Variants in KATNAL2 observed in about 807,000 individuals in gnomAD.
KATNAL2 encodes katanin p60 ATPase-containing subunit A-like 2.
KATNAL2 carries 52 observed loss-of-function variants against 76.3 expected under a neutral mutation model. The ratio of observed to expected loss-of-function variants is 0.68; its 90% CI spans 0.55 to 0.86. KATNAL2 has a LOEUF of 0.86. Among genes scored for constraint, KATNAL2 ranks in the 40% least tolerant of loss-of-function variants. The pLI is 0.00. For synonymous variants in KATNAL2, 243 were observed against 244.2 expected (o/e 1.00, Z 0.05); for missense variants, 660 against 668.9 (o/e 0.99, Z 0.15).
Position 46,946,834 on chromosome 18 carries a change from T to C in KATNAL2, c.-19-20T>C, listed in dbSNP as rs770814484. 2.0e-6 allele frequency: 3 copies of C among 1,531,484 alleles called. No homozygotes were observed. The highest frequency in any genetic ancestry group is 2.6e-6 in the Non-Finnish European group (3 of 1,143,428). 94.9% of individuals were successfully genotyped at this position (1,531,484 alleles called of 1,614,324 possible). On this transcript the variant is annotated intron_variant, in intron 2 of 17. Coordinates refer to ENST00000683218, the MANE Select transcript of KATNAL2 (RefSeq NM_001387690.1). ...TCGACCGGTCAGCCCAGTAACTGAC[T>C]ACTTTTCTCCCTTCTCTAGGGTCCT...
intron 15 of KATNAL2, among the ~76,000 whole-genome samples, chr18:47,077,839 T>C (rs1240198482): frequency 6.6e-6 from 1 of 152,214 alleles, no homozygotes; most frequent in Admixed American, 6.5e-5. Context: ...AATTAAACTT[T>C]TTTAAGTTAG....
intron 3 of KATNAL2, among the ~76,000 whole-genome samples, chr18:46,950,828 G>A (rs1398870947): frequency 6.6e-6 from 1 of 152,028 alleles, no homozygotes; most frequent in Non-Finnish European, 1.5e-5. Context: ...GGGGCTACAG[G>A]CGCCCACCAC....
At chr18:47,041,352 C>G (rs902238463) in intron 3 of KATNAL2, among the ~76,000 whole-genome samples, 11 of 152,148 alleles carry the variant, frequency 7.2e-5, no homozygotes, top group African/African-American at 2.7e-4. Context: ...TGTACTCTAC[C>G]TATTCATCCC....
intron 4 of KATNAL2, among the ~76,000 whole-genome samples, chr18:47,049,268 C>G (rs934715411): frequency 2.6e-5 from 4 of 152,158 alleles, no homozygotes; most frequent in Admixed American, 2.6e-4. Flanking sequence ...GCCATTATTA[C>G]GAGGATTAAA....
intron 16 of KATNAL2, 39 bp from the exon 17 acceptor site, chr18:47,100,215 C>T: frequency 3.4e-6 from 5 of 1,453,742 alleles, no homozygotes; most frequent in Non-Finnish European, 3.9e-6. Context: ...CAGGAGCATT[C>T]TGCCCACTGA....
intron 13 of KATNAL2, among the ~76,000 whole-genome samples, chr18:47,072,015 G>T (rs2062027361): frequency 8.2e-6 from 1 of 122,302 alleles, no homozygotes; most frequent in East Asian, 2.5e-4. Flanking sequence ...CTGTCACCCA[G>T]GCTGGAGTGC....
chr18:47,033,574 G>C, intron 3 of KATNAL2: 1 of 1,614,100 alleles, frequency 6.2e-7, no homozygotes, highest in South Asian at 1.1e-5. Context: ...CAGCTGATCG[G>C]GCCTCCACCC....
intron 4 of KATNAL2, among the ~76,000 whole-genome samples, chr18:47,051,675 G>C (rs1443077147): frequency 2.0e-5 from 3 of 152,202 alleles, no homozygotes; most frequent in Non-Finnish European, 4.4e-5. Flanking sequence ...TGATTGGCTA[G>C]AGTCAACTGA....
chr18:47,032,882 G>A (rs1026818540), intron 3 of KATNAL2: 10 of 1,573,268 alleles, frequency 6.4e-6, no homozygotes, highest in Non-Finnish European at 8.6e-6. Context: ...AGAATTCAAA[G>A]GCTCAACTTT....
intron 15 of KATNAL2, among the ~76,000 whole-genome samples, chr18:47,094,667 C>T (rs1234002062): frequency 6.6e-6 from 1 of 152,186 alleles, no homozygotes. Flanking sequence ...ATATCAATGT[C>T]CTTAGGGTCT....
chr18:47,035,644 C>A, intron 3 of KATNAL2: 1 of 420,564 alleles, frequency 2.4e-6, no homozygotes, highest in Non-Finnish European at 4.5e-6. Flanking sequence ...GCCCCGCCCC[C>A]ATACGTACTC....
At chr18:46,940,356 C>T (rs1216475456) in intron 1 of KATNAL2, among the ~76,000 whole-genome samples, 2 of 152,196 alleles carry the variant, frequency 1.3e-5, no homozygotes, top group African/African-American at 2.4e-5. Context: ...CCAATAAAAG[C>T]TCTTTAGTCT....
chr18:47,047,605 G>A (rs1246947461), intron 4 of KATNAL2, among the ~76,000 whole-genome samples: 1 of 152,088 alleles, frequency 6.6e-6, no homozygotes, highest in Non-Finnish European at 1.5e-5. Flanking sequence ...TGATATAAGA[G>A]TAAGAGAGCT....
chr18:47,069,261 A>G lies in KATNAL2; in HGVS notation c.867A>G (p.Gly289=). The G allele has an allele frequency of 6.2e-7, 1 of 1,611,430 alleles. No homozygotes were observed. Among genetic ancestry groups the G allele is most frequent in the Non-Finnish European group, 8.5e-7 (1 of 1,178,816 alleles). Residue 289 remains glycine (G), a synonymous_variant, in exon 12 of 18, where the codon GGA becomes GGG. Coordinates refer to ENST00000683218, the MANE Select transcript of KATNAL2 (RefSeq NM_001387690.1). ...LFTGILSPWK[G]LLLYGPPGTG... ...CAGGAATTCTTTCTCCCTGGAAAGG[A>G]CTACTGCTGTACGGCCCTCCAGGTA...
At chr18:47,049,557 G>T (rs2061275850) in intron 4 of KATNAL2, among the ~76,000 whole-genome samples, 1 of 152,204 alleles carries the variant, frequency 6.6e-6, no homozygotes, top group Non-Finnish European at 1.5e-5. Flanking sequence ...TTTGTGGTCA[G>T]GTAAGCTTGG....
chr18:46,920,981 T>A (rs1456279438), intron 1 of KATNAL2, among the ~76,000 whole-genome samples: 1 of 152,212 alleles, frequency 6.6e-6, no homozygotes, highest in Non-Finnish European at 1.5e-5. Flanking sequence ...ACATTTCCAA[T>A]GGTAAAATGT....
rs145797455 is a variant in KATNAL2 at position 47,089,295 on chromosome 18, T to C, written c.1212-9948T>C. 4.0e-3 allele frequency among the ~76,000 whole-genome samples: 609 copies of C among 152,298 alleles called. 1 individual carries two copies. Among genetic ancestry groups the C allele is most frequent in the African/African-American group, 0.014 (572 of 41,562 alleles). ...GGTATTTCCTATAATTAATTGAGCT[T>C]TTTAAGGGACTGTATAACAAGAGAA... On this transcript the variant is annotated intron_variant, in intron 15 of 17. Transcript: ENST00000683218.
chr18:46,952,393 G>GTTTT lies in KATNAL2; in HGVS notation c.51+5491_51+5494dup, dbSNP rs35596537. ...GCCATTGCACTCAGCCTGCAGGTAT[G>GTTTT]TTTTTTTTTTTTTTTTTTTTTTTTG... On this transcript the variant is annotated intron_variant, in intron 3 of 17. Transcript: ENST00000683218. Among the ~76,000 whole-genome samples, 480 of 64,432 alleles carry GTTTT rather than the reference G, an allele frequency of 7.4e-3. 18 individuals are homozygous for GTTTT. The highest frequency in any genetic ancestry group is 8.0e-3 in the Non-Finnish European group (298 of 37,412). The allele number at this position is 64,432 out of a possible 152,430, so 42.3% of individuals were successfully genotyped here.
chr18:46,959,050 T>A (rs1348520987), intron 3 of KATNAL2, among the ~76,000 whole-genome samples: 11 of 152,382 alleles, frequency 7.2e-5, no homozygotes, highest in Non-Finnish European at 1.5e-4. Context: ...TAGTTTTTAT[T>A]AATCGCATGG....
Sources: gnomAD v4.1 joint callset for allele counts (sites outside exome capture counted in the v4.1 genomes callset) on GRCh38, gnomAD v4.1.1 for gene constraint, MANE v1.5 for transcripts, NCBI Gene and HGNC (gene_info 2026-07-23, HGNC 2026-07-21) for gene names.